Variants in RCAN2 observed in about 807,000 individuals in gnomAD.
RCAN2 encodes the protein regulator of calcineurin 2, also known as calcipressin-2.
In RCAN2, 9 loss-of-function variants were observed where a neutral mutation model predicts 23.6. That is an observed-to-expected ratio of 0.38 (90% CI 0.23 to 0.67). The LOEUF (loss-of-function observed/expected upper bound fraction) is 0.67, where lower values mean the gene tolerates loss of function less well. Ranked by LOEUF, RCAN2 falls within the 30% of genes least tolerant of loss-of-function variation. The pLI, the probability that RCAN2 is intolerant of heterozygous loss-of-function variation, is 0.51. For synonymous variants in RCAN2, 109 were observed against 115.7 expected, an observed-to-expected ratio of 0.94 and a Z score of 0.37; for missense variants, 273 against 302.3, an observed-to-expected ratio of 0.90 and a Z score of 0.72.
At chr6:46,346,996 C>T (rs1466651488) in intron 2 of RCAN2, among the ~76,000 whole-genome samples, 3 of 152,140 alleles carry the variant, frequency 2.0e-5, no homozygotes, top group Admixed American at 6.5e-5. Context: ...CTGCCTCAGC[C>T]TCCCGAGTAG....
chr6:46,224,500 T>C (rs553921355), intron 4 of RCAN2, among the ~76,000 whole-genome samples: 19 of 152,312 alleles, frequency 1.2e-4, no homozygotes, highest in Admixed American at 2.6e-4. Context: ...CAAACTGGTT[T>C]ATCTGTTGGC....
At chr6:46,290,865 T>C (rs571587497) in intron 2 of RCAN2, among the ~76,000 whole-genome samples, 4 of 152,190 alleles carry the variant, frequency 2.6e-5, no homozygotes, top group Admixed American at 6.5e-5. Flanking sequence ...TTGAGGAAAT[T>C]ACAACATTTA....
intron 1 of RCAN2, among the ~76,000 whole-genome samples, chr6:46,482,210 AT>A (rs1424907115): frequency 6.6e-6 from 1 of 151,962 alleles, no homozygotes; most frequent in African/African-American, 2.4e-5. Context: ...TTACTAATAC[AT>A]TTTTTAATAT....
intron 2 of RCAN2, among the ~76,000 whole-genome samples, chr6:46,298,129 T>C (rs921858052): frequency 1.1e-4 from 16 of 151,516 alleles, no homozygotes; most frequent in Admixed American, 2.6e-4. Flanking sequence ...GTGCCTAACA[T>C]TAATACTGTG....
intron 2 of RCAN2, among the ~76,000 whole-genome samples, chr6:46,264,561 A>T (rs1310454546): frequency 6.6e-6 from 1 of 152,204 alleles, no homozygotes; most frequent in African/African-American, 2.4e-5. Context: ...GAAACCTTAT[A>T]TAAAATTAAA....
At chr6:46,344,814 T>C (rs1582126392) in intron 2 of RCAN2, among the ~76,000 whole-genome samples, 2 of 150,430 alleles carry the variant, frequency 1.3e-5, no homozygotes, top group African/African-American at 4.8e-5. Flanking sequence ...ATAGGCCAGA[T>C]AGAACCAATA....
At chr6:46,326,564 A>C (rs1003443027) in intron 2 of RCAN2, among the ~76,000 whole-genome samples, 1 of 152,250 alleles carries the variant, frequency 6.6e-6, no homozygotes, top group South Asian at 2.1e-4. Context: ...TTTAATAAAT[A>C]AATCAATCAA....
intron 2 of RCAN2, among the ~76,000 whole-genome samples, chr6:46,411,968 C>T (rs991288638): frequency 2.6e-5 from 4 of 152,078 alleles, no homozygotes; most frequent in Admixed American, 6.6e-5. Flanking sequence ...TCATCAGATT[C>T]GTGTTATGTA....
At chr6:46,401,223 A>G (rs1426360300) in intron 2 of RCAN2, among the ~76,000 whole-genome samples, 1 of 152,154 alleles carries the variant, frequency 6.6e-6, no homozygotes, top group African/African-American at 2.4e-5. Context: ...ACAGGTTTGG[A>G]TCAGAACCTC....
intron 2 of RCAN2, among the ~76,000 whole-genome samples, chr6:46,348,854 C>T (rs143988664): frequency 3.0e-4 from 45 of 152,212 alleles, no homozygotes; most frequent in African/African-American, 7.9e-4. Context: ...ATGATGCCTC[C>T]GTAAGACATA....
At chr6:46,404,718 T>A (rs1308537865) in intron 2 of RCAN2, among the ~76,000 whole-genome samples, 1 of 152,156 alleles carries the variant, frequency 6.6e-6, no homozygotes, top group Non-Finnish European at 1.5e-5. Flanking sequence ...AATAAATAAA[T>A]AGAGGCTAAC....
intron 2 of RCAN2, among the ~76,000 whole-genome samples, chr6:46,454,080 T>C (rs1348356017): frequency 6.6e-6 from 1 of 152,174 alleles, no homozygotes; most frequent in East Asian, 1.9e-4. Context: ...GAAATGCTTT[T>C]TGCTTCTTTT....
chr6:46,269,973 C>T (rs1329858131), intron 2 of RCAN2, among the ~76,000 whole-genome samples: 1 of 152,138 alleles, frequency 6.6e-6, no homozygotes, highest in Non-Finnish European at 1.5e-5. Context: ...GCCAGCTCTC[C>T]AAGGCTAAGG....
intron 2 of RCAN2, among the ~76,000 whole-genome samples, chr6:46,317,392 A>G (rs1415693572): frequency 1.3e-5 from 2 of 152,204 alleles, no homozygotes; most frequent in African/African-American, 4.8e-5. Context: ...CAGATGAAAT[A>G]TTACATATGA....
chr6:46,474,554 G>T (rs1216650159), intron 1 of RCAN2, among the ~76,000 whole-genome samples: 1 of 152,170 alleles, frequency 6.6e-6, no homozygotes, highest in African/African-American at 2.4e-5. Flanking sequence ...CATCAACAAG[G>T]TTCTGCAAGA....
At chr6:46,356,488 A>C (rs573243871) in intron 2 of RCAN2, among the ~76,000 whole-genome samples, 2 of 152,280 alleles carry the variant, frequency 1.3e-5, no homozygotes, top group African/African-American at 4.8e-5. Context: ...AATGATTCTA[A>C]TGTGCATCCA....
intron 2 of RCAN2, among the ~76,000 whole-genome samples, chr6:46,319,816 C>T (rs1040331757): frequency 5.3e-5 from 8 of 152,022 alleles, no homozygotes; most frequent in South Asian, 4.1e-4. Context: ...ATGTTATTAC[C>T]GGAGAAATAG....
At chr6:46,488,938 C>A (rs559950255) in intron 1 of RCAN2, among the ~76,000 whole-genome samples, 1 of 152,286 alleles carries the variant, frequency 6.6e-6, no homozygotes, top group East Asian at 1.9e-4. Flanking sequence ...CTTTTTGCAA[C>A]CCCACCTCCT....
intron 4 of RCAN2, among the ~76,000 whole-genome samples, chr6:46,239,304 G>A (rs1317844614): frequency 1.3e-5 from 2 of 152,204 alleles, no homozygotes; most frequent in African/African-American, 4.8e-5. Context: ...AGTGGAAAGA[G>A]GATTTGGGAT....
Sources: gnomAD v4.1 joint callset for allele counts (sites outside exome capture counted in the v4.1 genomes callset) on GRCh38, gnomAD v4.1.1 for gene constraint, MANE v1.5 for transcripts, NCBI Gene and HGNC (gene_info 2026-07-23, HGNC 2026-07-21) for gene names.